The following PARD3B variants were observed in gnomAD, a reference collection of about 807,000 sequenced individuals.
PARD3B encodes the protein partitioning defective 3 homolog B.
In PARD3B, 103 loss-of-function variants were observed where a neutral mutation model predicts 130.2. The observed-to-expected ratio is 0.79, with a 90% CI of 0.67 to 0.93. PARD3B has a LOEUF of 0.93. Ranked by LOEUF, PARD3B falls within the 40% of genes least tolerant of loss-of-function variation. The pLI is 0.00. For synonymous variants in PARD3B, 583 were observed against 553.2 expected, an observed-to-expected ratio of 1.05 and a Z score of -0.76; for missense variants, 1,609 against 1,499.2, an observed-to-expected ratio of 1.07 and a Z score of -1.21.
At chr2:204,789,222 A>C (rs1300995703) in intron 2 of PARD3B, among the ~76,000 whole-genome samples, 1 of 152,006 alleles carries the variant, frequency 6.6e-6, no homozygotes, top group African/African-American at 2.4e-5. Context: ...ATGACTGGCT[A>C]ATTTTTATGT....
At chr2:204,935,347 G>A (rs1231432190) in intron 2 of PARD3B, among the ~76,000 whole-genome samples, 12 of 145,828 alleles carry the variant, frequency 8.2e-5, no homozygotes, top group Admixed American at 1.4e-4. Flanking sequence ...GGCTAACACG[G>A]TGAAACCCTG....
intron 20 of PARD3B, among the ~76,000 whole-genome samples, chr2:205,464,863 C>A (rs2048568080): frequency 6.6e-6 from 1 of 152,118 alleles, no homozygotes; most frequent in Non-Finnish European, 1.5e-5. Flanking sequence ...CTCTTCTCTA[C>A]CCTTCTTTGG....
Position 205,592,443 on chromosome 2 carries a change from A to AGGAATCTCCAGCG in PARD3B, c.3261-23013_3261-23012insGGAATCTCCAGCG, listed in dbSNP as rs2054421245. ...GAATCTCCAGCGAACATCCACTAAT[A>AGGAATCTCCAGCG]AACTTTATATTGGGTGCCTACCATG... On this transcript the variant is annotated intron_variant, in intron 22 of 22. Transcript: ENST00000406610. The surrounding 1 kb of genome is among the most constrained non-coding windows in gnomAD (Gnocchi z 4.5). 6.6e-6 allele frequency among the ~76,000 whole-genome samples: 1 copy of AGGAATCTCCAGCG among 152,134 alleles called. No homozygotes were observed. Among genetic ancestry groups the AGGAATCTCCAGCG allele is most frequent in the Non-Finnish European group, 1.5e-5 (1 of 68,018 alleles).
At chr2:204,577,269 G>T (rs1414123950) in intron 1 of PARD3B, among the ~76,000 whole-genome samples, 2 of 152,172 alleles carry the variant, frequency 1.3e-5, no homozygotes, top group Non-Finnish European at 2.9e-5. Flanking sequence ...TGCTTAATAT[G>T]TGCCAGGCAC....
intron 15 of PARD3B, among the ~76,000 whole-genome samples, chr2:205,197,030 G>GTGTGTGTGTGTGT (rs1553636899): frequency 5.9e-5 from 1 of 17,072 alleles, no homozygotes; most frequent in Non-Finnish European, 1.0e-4. Flanking sequence ...CTGTGGGGGG[G>GTGTGTGTGTGTGT]GGGTGTGTGT....
chr2:205,149,615 AGTATC>A (rs1423797226), intron 10 of PARD3B, among the ~76,000 whole-genome samples: 1 of 152,178 alleles, frequency 6.6e-6, no homozygotes, highest in Admixed American at 6.5e-5. Flanking sequence ...ATTGTGCTGA[AGTATC>A]TCCTATTTTC....
At chr2:205,323,480 A>G (rs62171496) in intron 18 of PARD3B, among the ~76,000 whole-genome samples, 13,132 of 152,238 alleles carry the variant, frequency 0.086, 784 homozygotes, top group East Asian at 0.29. Flanking sequence ...AATTATGAGT[A>G]TGTGTATTTT....
chr2:205,549,997 T>C (rs2052546995), intron 21 of PARD3B, among the ~76,000 whole-genome samples: 1 of 152,184 alleles, frequency 6.6e-6, no homozygotes, highest in Non-Finnish European at 1.5e-5. Context: ...ATAGCCACAG[T>C]AGGAGCAACA....
rs1017371383 is a variant in PARD3B, at chr2:205,550,312, A to C, written c.3181-3012A>C. 2.6e-5 allele frequency among the ~76,000 whole-genome samples: 4 copies of C among 152,124 alleles called. No individual in the cohort carries two copies. ...CCACTGCCTCCTTCCTCAGACTTCC[A>C]CAGTGATCTCATTGTACCACAATTG... On this transcript the variant is annotated intron_variant, in intron 21 of 22. Transcript: ENST00000406610. The surrounding 1 kb of genome is among the most constrained non-coding windows in gnomAD (Gnocchi z 4.5).
At chr2:205,049,226 A>G (rs1398529740) in intron 4 of PARD3B, among the ~76,000 whole-genome samples, 1 of 152,186 alleles carries the variant, frequency 6.6e-6, no homozygotes, top group Non-Finnish European at 1.5e-5. Flanking sequence ...TTATAAAGGA[A>G]AGAGGTTTAA....
chr2:205,219,677 T>C (rs2038135898), intron 15 of PARD3B, among the ~76,000 whole-genome samples: 1 of 152,164 alleles, frequency 6.6e-6, no homozygotes, highest in South Asian at 2.1e-4. Flanking sequence ...TGGCACCTTA[T>C]GGTAAAGTCA....
At chr2:205,014,927 A>G (rs1021732434) in intron 3 of PARD3B, among the ~76,000 whole-genome samples, 1 of 152,230 alleles carries the variant, frequency 6.6e-6, no homozygotes, top group African/African-American at 2.4e-5. Flanking sequence ...CAACTTCTCC[A>G]TGTCTCATGA....
chr2:204,766,965 C>CTTTTTTTTTTTTTTTT (rs68009060), intron 2 of PARD3B, among the ~76,000 whole-genome samples: 2 of 114,478 alleles, frequency 1.7e-5, no homozygotes, highest in African/African-American at 6.7e-5. Flanking sequence ...TTTTCTTTTT[C>CTTTTTTTTTTTTTTTT]TTTTTTTTTT....
chr2:205,130,549 GTCT>G (rs1473537699), intron 10 of PARD3B, among the ~76,000 whole-genome samples: 1 of 152,142 alleles, frequency 6.6e-6, no homozygotes, highest in Non-Finnish European at 1.5e-5. Flanking sequence ...GTATGTGCAT[GTCT>G]TCTTTTTTTA....
intron 16 of PARD3B, among the ~76,000 whole-genome samples, chr2:205,289,725 A>C (rs1201219806): frequency 6.6e-6 from 1 of 152,148 alleles, no homozygotes; most frequent in Non-Finnish European, 1.5e-5. Flanking sequence ...AGTGGATTAA[A>C]CCATTCATGG....
chr2:205,449,168 A>G (rs2048012597), intron 20 of PARD3B, among the ~76,000 whole-genome samples: 1 of 141,980 alleles, frequency 7.0e-6, no homozygotes, highest in Non-Finnish European at 1.5e-5. Flanking sequence ...CTCCATCTCA[A>G]AAAAAAAAAA....
chr2:204,764,715 C>CGTGTGTGTGT (rs10522212), intron 2 of PARD3B, among the ~76,000 whole-genome samples: 4,543 of 145,544 alleles, frequency 0.031, 94 homozygotes, highest in Non-Finnish European at 0.035. Context: ...GGCATGCATG[C>CGTGTGTGTGT]GTGTGTGTGT....
intron 10 of PARD3B, among the ~76,000 whole-genome samples, chr2:205,149,250 C>T (rs1283247129): frequency 6.6e-6 from 1 of 152,098 alleles, no homozygotes; most frequent in Non-Finnish European, 1.5e-5. Flanking sequence ...GTAGACTCTT[C>T]AGTTTCCTCT....
At chr2:204,765,862 A>C (rs1037602399) in intron 2 of PARD3B, among the ~76,000 whole-genome samples, 1 of 152,154 alleles carries the variant, frequency 6.6e-6, no homozygotes, top group African/African-American at 2.4e-5. Flanking sequence ...CTAGAGTATG[A>C]AACCAAGTGT....
Sources: allele counts gnomAD v4.1 joint callset (sites outside exome capture counted in the v4.1 genomes callset), GRCh38; gene constraint gnomAD v4.1.1; non-coding constraint Gnocchi (gnomAD v3.1); transcripts MANE v1.5; gene names NCBI Gene and HGNC (gene_info 2026-07-23, HGNC 2026-07-21).